MINAR2: variants seen among roughly 807,000 people sequenced by gnomAD.
MINAR2 encodes major intrinsically disordered NOTCH2-binding receptor 1-like.
Under a neutral mutation model 16.1 loss-of-function variants are expected in MINAR2, and 21 were observed. That is an observed-to-expected ratio of 1.31 (90% CI 0.93 to 1.88). MINAR2 has a LOEUF of 1.88. Ranked by LOEUF, MINAR2 falls within the 40% of genes most tolerant of loss-of-function variation. The probability of loss-of-function intolerance (pLI) is 0.00; values close to 1 mark genes in which losing one functional copy is unlikely to be tolerated. For missense variants in MINAR2, 259 were observed against 229.8 expected (o/e 1.13, Z -0.82); for synonymous variants, 86 against 83.0 (o/e 1.04, Z -0.20).
At chr5:129,756,706 TAA>T (rs1487485567) in intron 1 of MINAR2, among the ~76,000 whole-genome samples, 2 of 152,112 alleles carry the variant, frequency 1.3e-5, no homozygotes, top group East Asian at 1.9e-4. Flanking sequence ...GTAATTATTT[TAA>T]GTTTTGTTTT....
At chr5:129,759,280 A>G (rs1304407797) in intron 1 of MINAR2, among the ~76,000 whole-genome samples, 1 of 152,082 alleles carries the variant, frequency 6.6e-6, no homozygotes, top group African/African-American at 2.4e-5. Context: ...TCTGTGAATT[A>G]AGGAAATGAG....
intron 1 of MINAR2, among the ~76,000 whole-genome samples, 169 bp from the exon 2 acceptor site, chr5:129,760,209 T>A (rs926106973): frequency 6.6e-6 from 1 of 152,164 alleles, no homozygotes; most frequent in African/African-American, 2.4e-5. Flanking sequence ...ACTCAATTAA[T>A]GTTAGATTTC....
chr5:129,756,106 G>T (rs10043581), intron 1 of MINAR2, among the ~76,000 whole-genome samples: 140,750 of 152,060 alleles, frequency 0.93, 65,182 homozygotes, highest in East Asian at 1. Flanking sequence ...ATTTTATGTT[G>T]TTGATAATGA....
rs139057598 is a variant in MINAR2, at chr5:129,760,564, G to C, written c.352G>C (p.Asp118His). 2.8e-4 allele frequency: 426 copies of C among 1,535,464 alleles called. No homozygotes were observed. The highest frequency in any genetic ancestry group is 3.6e-4 in the Non-Finnish European group (415 of 1,146,450). The stretch of plus-strand genomic sequence containing the variant: ...CCCCTCATGGACCATTGAGGAATAT[G>C]ACAAACATTCCCTGCACACAAACCT... ...KNPSWTIEEY[D>H]KHSLHTNLSG... Residue 118 changes from aspartate (D) to histidine (H), a missense_variant, in exon 2 of 3, where the codon GAC (aspartate) becomes CAC (histidine). Coordinates refer to ENST00000564719, the MANE Select transcript of MINAR2 (RefSeq NM_001257308.2).
intron 1 of MINAR2, among the ~76,000 whole-genome samples, chr5:129,753,255 G>A (rs558645799): frequency 5.3e-5 from 8 of 151,802 alleles, no homozygotes; most frequent in Admixed American, 1.3e-4. Context: ...AGGCTGAGGC[G>A]GGCAGATCAC....
chr5:129,755,654 T>C (rs1187999719), intron 1 of MINAR2, among the ~76,000 whole-genome samples: 1 of 152,132 alleles, frequency 6.6e-6, no homozygotes, highest in African/African-American at 2.4e-5. Context: ...CTGTGTCTCT[T>C]GTCAAGTCCC....
intron 2 of MINAR2, among the ~76,000 whole-genome samples, chr5:129,761,929 T>C (rs1444050801): frequency 2.0e-5 from 3 of 151,840 alleles, no homozygotes; most frequent in African/African-American, 7.3e-5. Flanking sequence ...GAAAGTGCCA[T>C]GCAGTGTTCT....
chr5:129,765,150 A>C lies in MINAR2; in HGVS notation c.*87A>C. On this transcript the variant is annotated 3_prime_UTR_variant, in exon 3 of 3. Transcript: ENST00000564719. ...AACCCCCCCCACCAAAATAACAAAA[A>C]AACACATGTACATGCAGTGTGAATG... is the stretch of plus-strand genomic sequence containing the variant. The C allele has an allele frequency of 1.4e-6, 1 of 735,928 alleles. No individual in the cohort carries two copies. The highest frequency in any genetic ancestry group is 5.7e-5 in the South Asian group (1 of 17,556). The allele number at this position is 735,928 out of a possible 1,614,324, so 45.6% of individuals were successfully genotyped here.
At chr5:129,750,372 T>A (rs921407046) in intron 1 of MINAR2, among the ~76,000 whole-genome samples, 6 of 152,182 alleles carry the variant, frequency 3.9e-5, no homozygotes, top group African/African-American at 1.4e-4. Flanking sequence ...AGGTGGTGGC[T>A]ACCAAATAGT....
chr5:129,766,650 AAAAAAAC>A lies in MINAR2; in HGVS notation c.*1591_*1597del, dbSNP rs1417162140. On this transcript the variant is annotated 3_prime_UTR_variant, in exon 3 of 3. Coordinates refer to ENST00000564719, the MANE Select transcript of MINAR2 (RefSeq NM_001257308.2). ...AGACTTCCATAAAAAAAAAAAAAAA[AAAAAAAC>A]AAACAAACAAACAAAAAAAACCCCA... 4 of 147,870 alleles carry A rather than the reference AAAAAAAC, an allele frequency of 2.7e-5. No individual in the cohort carries two copies. Among genetic ancestry groups the A allele is most frequent in the Non-Finnish European group, 6.0e-5 (4 of 66,850 alleles). 9.2% of individuals were successfully genotyped at this position (147,870 alleles called of 1,614,324 possible).
At position 129,765,074 on chromosome 5, in the gene MINAR2, A is replaced by G. The variant is rs571564477; in HGVS notation, c.*11A>G. ...ACTTTTTTCACCTGAGGAAACTGCA[A>G]CAATCAGAGCTACTTTAAATTTCCT... On this transcript the variant is annotated 3_prime_UTR_variant, in exon 3 of 3. Coordinates refer to ENST00000564719, the MANE Select transcript of MINAR2 (RefSeq NM_001257308.2). 6.3e-5 allele frequency: 79 copies of G among 1,262,398 alleles called. No individual in the cohort carries two copies. The Admixed American group carries it at 2.8e-3, about 45-fold the overall frequency. 78.2% of individuals were successfully genotyped at this position (1,262,398 alleles called of 1,614,324 possible). A position where few individuals can be genotyped will look rare whatever the true frequency, so the allele number is the denominator to read the frequency against.
At chr5:129,764,814 G>T in intron 2 of MINAR2, 70 bp from the exon 3 acceptor site, 1 of 853,918 alleles carries the variant, frequency 1.2e-6, no homozygotes, top group Non-Finnish European at 1.6e-6. Flanking sequence ...GTCTTGTTCT[G>T]CAATCTCAAT....
chr5:129,762,218 C>T (rs1430904746), intron 2 of MINAR2, among the ~76,000 whole-genome samples: 1 of 151,952 alleles, frequency 6.6e-6, no homozygotes, highest in Non-Finnish European at 1.5e-5. Context: ...ATACACTTTA[C>T]CTATATAGAA....
chr5:129,753,594 A>T (rs1010830728), intron 1 of MINAR2, among the ~76,000 whole-genome samples: 2 of 151,662 alleles, frequency 1.3e-5, no homozygotes, highest in Non-Finnish European at 2.9e-5. Flanking sequence ...TCTACTAAAG[A>T]TACAAAAAAT....
chr5:129,762,204 C>T (rs986461399), intron 2 of MINAR2, among the ~76,000 whole-genome samples: 1 of 152,154 alleles, frequency 6.6e-6, no homozygotes, highest in Non-Finnish European at 1.5e-5. Flanking sequence ...CCCAAATTCT[C>T]AAGATACACT....
rs1041569111 is a variant in MINAR2, at chr5:129,766,018, A to T, written c.*955A>T. 2 of 152,218 alleles carry T rather than the reference A, an allele frequency of 1.3e-5. No individual in the cohort carries two copies. Among genetic ancestry groups the T allele is most frequent in the African/African-American group, 4.8e-5 (2 of 41,468 alleles). 9.4% of individuals were successfully genotyped at this position (152,218 alleles called of 1,614,324 possible). On this transcript the variant is annotated 3_prime_UTR_variant, in exon 3 of 3. Transcript: ENST00000564719. ...CTCGAAATAAGCAGTTGCTTAATTA[A>T]AGGCAGTTGTTATTATTAATTTATG...
chr5:129,749,650 G>C (rs906723666), intron 1 of MINAR2, among the ~76,000 whole-genome samples: 18 of 152,192 alleles, frequency 1.2e-4, no homozygotes, highest in Middle Eastern at 3.4e-3. Context: ...AGAATAAAAT[G>C]ATTCAAAAAT....
chr5:129,763,237 G>T (rs1758161338), intron 2 of MINAR2, among the ~76,000 whole-genome samples: 1 of 152,122 alleles, frequency 6.6e-6, no homozygotes, highest in Admixed American at 6.6e-5. Context: ...GTCTCATAAG[G>T]TTATTCGTCA....
intron 1 of MINAR2, among the ~76,000 whole-genome samples, chr5:129,749,909 A>G (rs948029322): frequency 6.6e-6 from 1 of 152,256 alleles, no homozygotes; most frequent in Non-Finnish European, 1.5e-5. Flanking sequence ...AGTTATTCAA[A>G]GAAAAACCAA....
Sources: gnomAD v4.1 joint callset for allele counts (sites outside exome capture counted in the v4.1 genomes callset) on GRCh38, gnomAD v4.1.1 for gene constraint, MANE v1.5 for transcripts, NCBI Gene and HGNC (gene_info 2026-07-23, HGNC 2026-07-21) for gene names.